SYT11: variants seen among roughly 807,000 people sequenced by gnomAD.
SYT11 encodes the protein synaptotagmin-11.
A neutral mutation model predicts 30.4 loss-of-function variants in SYT11; 12 were observed. The observed-to-expected ratio is 0.39, with a 90% confidence interval of 0.25 to 0.64. The LOEUF (loss-of-function observed/expected upper bound fraction) is 0.64. SYT11 is among the 30% of genes least tolerant of loss of function. SYT11 has a pLI of 0.45. For synonymous variants in SYT11, 204 were observed against 216.0 expected, an observed-to-expected ratio of 0.94 and a Z score of 0.49; for missense variants, 412 against 552.0, an observed-to-expected ratio of 0.75 and a Z score of 2.54.
In SYT11 at chr1:155,859,629, A is replaced by G; in HGVS notation, c.-133A>G. On this transcript the variant is annotated 5_prime_UTR_variant, in exon 1 of 4. Transcript: ENST00000368324. ...TGACAACTAGGGGCCGGACCGTCGC[A>G]GGAGGCGTCCGCTGGATACCTTCCC... 1 of 826,400 alleles carries G rather than the reference A, an allele frequency of 1.2e-6. No homozygotes were observed. The highest frequency in any genetic ancestry group is 2.1e-6 in the Non-Finnish European group (1 of 480,976). The allele number at this position is 826,400 out of a possible 1,614,324, so 51.2% of individuals were successfully genotyped here.
Position 155,868,068 on chromosome 1 carries a change from G to T in SYT11, c.138G>T (p.Lys46Asn), listed in dbSNP as rs778204068. The change falls in exon 2 of 4, where the codon AAG becomes AAT. Residue 46 changes from lysine (K) to asparagine (N), a missense_variant. Physicochemically the swap from Lys to Asn is moderately conservative, Grantham distance 94. Transcript: ENST00000368324. The surrounding 1 kb of genome is among the most constrained non-coding windows in gnomAD (Gnocchi z 4.7). Reference protein sequence around the residue: ...VWSCCHQQAEKKQKNPPYKFI... With the variant: ...VWSCCHQQAENKQKNPPYKFI... ...CATGCTGCCACCAGCAGGCAGAGAA[G>T]AAGCAGAAGAACCCACCATACAAGT... 1.2e-6 allele frequency: 2 copies of T among 1,614,126 alleles called. No individual in the cohort carries two copies. Among genetic ancestry groups the T allele is most frequent in the Non-Finnish European group, 1.7e-6 (2 of 1,180,022 alleles).
Position 155,859,584 on chromosome 1 carries a change from T to A in SYT11, c.-178T>A, listed in dbSNP as rs1046077181. ...CTTAGCTCAGCGCATCCCCGGAGCATCTTAAGAGCTGAGCGCAGCTGACAA... is the reference window on the plus strand; with the variant it reads ...CTTAGCTCAGCGCATCCCCGGAGCAACTTAAGAGCTGAGCGCAGCTGACAA... On this transcript the variant is annotated 5_prime_UTR_variant, in exon 1 of 4. Coordinates refer to ENST00000368324, the MANE Select transcript of SYT11 (RefSeq NM_152280.5). 1 of 668,154 alleles carries A rather than the reference T, an allele frequency of 1.5e-6. No homozygotes were observed. Among genetic ancestry groups the A allele is most frequent in the Non-Finnish European group, 2.7e-6 (1 of 368,852 alleles). The allele number at this position is 668,154 out of a possible 1,614,324, so 41.4% of individuals were successfully genotyped here.
At chr1:155,876,235 CTTTTT>C (rs67952920) in intron 2 of SYT11, among the ~76,000 whole-genome samples, 6 of 96,118 alleles carry the variant, frequency 6.2e-5, no homozygotes, top group East Asian at 3.9e-4. Context: ...ACTCACCTCC[CTTTTT>C]TTTTTTTTTT....
chr1:155,876,919 G>A (rs1672871088), intron 2 of SYT11, among the ~76,000 whole-genome samples: 1 of 151,492 alleles, frequency 6.6e-6, no homozygotes, highest in Non-Finnish European at 1.5e-5. Context: ...CTGAGTAGCT[G>A]GGGTTACAGG....
chr1:155,874,478 T>TGTGACAGAGCGAGACTTC (rs1553226161), intron 2 of SYT11, among the ~76,000 whole-genome samples: 4 of 151,598 alleles, frequency 2.6e-5, no homozygotes, highest in Admixed American at 6.6e-5. Flanking sequence ...CACATGCCTG[T>TGTGACAGAGCGAGACTTC]AGTCCCATCT....
rs1672964478 is a variant in SYT11, at chr1:155,881,622, C to A, written c.*114C>A. ...TCATTTTAGTTGTAGAAGAAAATTT[C>A]TTACAAAACAAATTCCACAAAGAAC... On this transcript the variant is annotated 3_prime_UTR_variant, in exon 4 of 4. Coordinates refer to ENST00000368324, the MANE Select transcript of SYT11 (RefSeq NM_152280.5). 5 of 1,016,208 alleles carry A rather than the reference C, an allele frequency of 4.9e-6. No individual in the cohort carries two copies. Among genetic ancestry groups the A allele is most frequent in the African/African-American group, 3.3e-5 (2 of 61,358 alleles). 62.9% of individuals were successfully genotyped at this position (1,016,208 alleles called of 1,614,324 possible).
rs770885245 is a variant in SYT11 at position 155,868,811 on chromosome 1, T to G, written c.861+20T>G. On this transcript the variant is annotated intron_variant, in intron 2 of 3. Coordinates refer to ENST00000368324, the MANE Select transcript of SYT11 (RefSeq NM_152280.5). This position sits in a 1 kb window ranked among gnomAD's most constrained non-coding sequence, Gnocchi z 4.7. ...ATCCAGGTGAGTAGGAAGTGTGTGT[T>G]GGGGAGCAATGGTAGGTTGGGGGAG... The G allele has an allele frequency of 2.5e-6, 4 of 1,594,096 alleles. No individual in the cohort carries two copies. The highest frequency in any genetic ancestry group is 3.4e-6 in the Non-Finnish European group (4 of 1,166,822).
rs960335063 is a variant in SYT11 at position 155,883,247 on chromosome 1, C to T, written c.*1739C>T. On this transcript the variant is annotated 3_prime_UTR_variant, in exon 4 of 4. Transcript: ENST00000368324. The stretch of plus-strand genomic sequence containing the variant: ...ACAGACTCCATGGATAATAGGTAAA[C>T]TTGGGGCCGGGCGCAGTGGCTCACG... 14 of 152,256 alleles carry T rather than the reference C, an allele frequency of 9.2e-5. No individual in the cohort carries two copies. Among genetic ancestry groups the T allele is most frequent in the African/African-American group, 3.1e-4 (13 of 41,436 alleles). 9.4% of individuals were successfully genotyped at this position (152,256 alleles called of 1,614,324 possible). A position where few individuals can be genotyped will look rare whatever the true frequency, so the allele number is the denominator to read the frequency against.
rs74705351 is a variant in SYT11, at chr1:155,880,347, T to C, written c.862-153T>C. 7.5e-3 allele frequency among the ~76,000 whole-genome samples: 1,141 copies of C among 152,312 alleles called. 5 individuals are homozygous for C. The highest frequency in any genetic ancestry group is 0.011 in the Non-Finnish European group (766 of 68,020). On this transcript the variant is annotated intron_variant, in intron 2 of 3. Transcript: ENST00000368324. ...CTTTCTCCCTCCTTGTTAAATAAAA[T>C]CATAACACCTTTCCAGGGGATGAGC...
At chr1:155,862,675 G>A (rs780137355) in intron 1 of SYT11, among the ~76,000 whole-genome samples, 70 of 152,216 alleles carry the variant, frequency 4.6e-4, no homozygotes, top group Middle Eastern at 3.2e-3. Flanking sequence ...ATAAATCTAT[G>A]ATAGAGCCAA....
At chr1:155,864,243 G>A (rs572168022) in intron 1 of SYT11, among the ~76,000 whole-genome samples, 19 of 152,270 alleles carry the variant, frequency 1.2e-4, no homozygotes, top group Non-Finnish European at 2.2e-4. Flanking sequence ...AAAATGAGAC[G>A]CTGTCTCAAA....
intron 1 of SYT11, 112 bp downstream of exon 1, chr1:155,859,907 G>A (rs1672522884): frequency 3.7e-6 from 4 of 1,077,966 alleles, no homozygotes; most frequent in Non-Finnish European, 5.7e-6. Flanking sequence ...CAAAATGCCA[G>A]CCCCACTAAA....
At position 155,881,494 on chromosome 1, in the gene SYT11, C is replaced by A; in HGVS notation, c.1282C>A (p.Leu428Met). The A allele has an allele frequency of 6.2e-7, 1 of 1,607,634 alleles. No homozygotes were observed. Among genetic ancestry groups the A allele is most frequent in the Admixed American group, 1.7e-5 (1 of 59,690 alleles). Residue 428 changes from leucine to methionine, a missense_variant, in exon 4 of 4, where the codon CTG becomes ATG. Physicochemically the swap from Leu to Met is conservative, Grantham distance 15. Coordinates refer to ENST00000368324, the MANE Select transcript of SYT11 (RefSeq NM_152280.5). The part of the protein sequence containing the change: ...PRKPVAKWHS[L>M]SEY ...CAAGCCTGTGGCCAAGTGGCACAGT[C>A]TGAGCGAGTACTAATCCTGTTCTTC...
Position 155,868,796 on chromosome 1 carries a change from G to A in SYT11, c.861+5G>A, listed in dbSNP as rs1281288716. On this transcript the variant is annotated splice_donor_5th_base_variant and intron_variant, in intron 2 of 3. Transcript: ENST00000368324. This position sits in a 1 kb window ranked among gnomAD's most constrained non-coding sequence, Gnocchi z 4.7. Reference sequence around the variant, plus strand: ...ATCATCAAAAGGAATATCCAGGTGAGTAGGAAGTGTGTGTTGGGGAGCAAT... The same window carrying A: ...ATCATCAAAAGGAATATCCAGGTGAATAGGAAGTGTGTGTTGGGGAGCAAT... The A allele has an allele frequency of 6.2e-7, 1 of 1,606,546 alleles. No homozygotes were observed. Among genetic ancestry groups the A allele is most frequent in the Admixed American group, 1.7e-5 (1 of 59,710 alleles).
At chr1:155,867,199 A>G (rs1672696298) in intron 1 of SYT11, among the ~76,000 whole-genome samples, 1 of 152,104 alleles carries the variant, frequency 6.6e-6, no homozygotes, top group African/African-American at 2.4e-5. Context: ...CTGGGATTAT[A>G]GGCACATGCC....
At chr1:155,863,805 C>T (rs2102554184) in intron 1 of SYT11, among the ~76,000 whole-genome samples, 1 of 152,062 alleles carries the variant, frequency 6.6e-6, no homozygotes, top group South Asian at 2.1e-4. Context: ...CTGGTAATCC[C>T]AGCTACTCAG....
rs1447867102 is a variant in SYT11 at position 155,882,948 on chromosome 1, A to C, written c.*1440A>C. ...GAAGTTCTCCTTAAATTTTTCAATA[A>C]AAATTTAGCTCTTAAAAAAATAACA... On this transcript the variant is annotated 3_prime_UTR_variant, in exon 4 of 4. Transcript: ENST00000368324. The C allele has an allele frequency of 6.6e-6, 1 of 152,350 alleles. No individual in the cohort carries two copies. The highest frequency in any genetic ancestry group is 1.5e-5 in the Non-Finnish European group (1 of 68,046). The allele number at this position is 152,350 out of a possible 1,614,324, so 9.4% of individuals were successfully genotyped here. A position where few individuals can be genotyped will look rare whatever the true frequency, so the allele number is the denominator to read the frequency against.
rs796962462 is a variant in SYT11, at chr1:155,866,684, G to A, written c.35-1281G>A. 6.6e-5 allele frequency among the ~76,000 whole-genome samples: 10 copies of A among 151,986 alleles called. 1 individual carries two copies. The highest frequency in any genetic ancestry group is 2.4e-4 in the African/African-American group (10 of 41,436). ...ATGACGGCATGTTGAAAAAAATTAAGCAAGGCTAGGAAGAGTGGGTGGTGA... is the reference window on the plus strand; with the variant it reads ...ATGACGGCATGTTGAAAAAAATTAAACAAGGCTAGGAAGAGTGGGTGGTGA... On this transcript the variant is annotated intron_variant, in intron 1 of 3. Coordinates refer to ENST00000368324, the MANE Select transcript of SYT11 (RefSeq NM_152280.5).
intron 1 of SYT11, among the ~76,000 whole-genome samples, chr1:155,864,699 G>C (rs1053364464): frequency 4.7e-5 from 7 of 148,248 alleles, no homozygotes; most frequent in Admixed American, 1.3e-4. Flanking sequence ...TAATCATCTT[G>C]ACTCAATCCT....
Sources: gnomAD v4.1 joint callset for allele counts (sites outside exome capture counted in the v4.1 genomes callset) on GRCh38, gnomAD v4.1.1 for gene constraint, Gnocchi (gnomAD v3.1) non-coding constraint, MANE v1.5 for transcripts, NCBI Gene and HGNC (gene_info 2026-07-23, HGNC 2026-07-21) for gene names.